The following COL4A2 variants were observed in gnomAD, a reference collection of about 807,000 sequenced individuals.
COL4A2 encodes collagen type IV alpha 2 chain, also known as collagen alpha-2(IV) chain.
In COL4A2, 99 loss-of-function variants were observed where a neutral mutation model predicts 200.2. That is an observed-to-expected ratio of 0.49 (90% CI 0.42 to 0.58). COL4A2 has a LOEUF of 0.58. Ranked by LOEUF, COL4A2 falls within the 20% of genes least tolerant of loss-of-function variation. The pLI is 0.00. For synonymous variants in COL4A2, 897 were observed against 900.6 expected, an observed-to-expected ratio of 1.00 and a Z score of 0.07; for missense variants, 1,950 against 2,314.1, an observed-to-expected ratio of 0.84 and a Z score of 3.23.
chr13:110,355,928 C>T (rs1434743168), intron 3 of COL4A2, among the ~76,000 whole-genome samples: 1 of 151,838 alleles, frequency 6.6e-6, no homozygotes, highest in Non-Finnish European at 1.5e-5. Context: ...CACTGGCTCA[C>T]CTGTGGAATG....
chr13:110,470,926 G>A (rs1882447342), intron 28 of COL4A2, among the ~76,000 whole-genome samples: 3 of 152,072 alleles, frequency 2.0e-5, no homozygotes, highest in Non-Finnish European at 4.4e-5. Context: ...TGCAAAATTG[G>A]GAAGCAGGCT....
At chr13:110,315,372 A>G (rs910405771) in intron 3 of COL4A2, among the ~76,000 whole-genome samples, 18 of 152,142 alleles carry the variant, frequency 1.2e-4, no homozygotes, top group African/African-American at 4.1e-4. Flanking sequence ...GTCTTCACCC[A>G]TCATCCACTT....
At chr13:110,471,362 C>T (rs1429475325) in intron 28 of COL4A2, among the ~76,000 whole-genome samples, 4 of 152,126 alleles carry the variant, frequency 2.6e-5, no homozygotes, top group African/African-American at 9.7e-5. Context: ...GAGGCTGGGG[C>T]AGGCTGGGGG....
rs1446186903 is a variant in COL4A2, at chr13:110,307,305, G to A, written c.-268G>A. The A allele has an allele frequency of 1.4e-5, 5 of 352,718 alleles. No individual in the cohort carries two copies. Among genetic ancestry groups the A allele is most frequent in the African/African-American group, 8.6e-5 (4 of 46,450 alleles). The allele number at this position is 352,718 out of a possible 1,614,324, so 21.8% of individuals were successfully genotyped here. A position where few individuals can be genotyped will look rare whatever the true frequency, so the allele number is the denominator to read the frequency against. The stretch of plus-strand genomic sequence containing the variant: ...CCGGGAGTGTGGCTGCAGTGCGCCG[G>A]GACACCAGGGCTCCGCGCTCCGCAC... On this transcript the variant is annotated 5_prime_UTR_variant, in exon 1 of 48. Transcript: ENST00000360467. This position sits in a 1 kb window ranked among gnomAD's most constrained non-coding sequence, Gnocchi z 5.0.
At chr13:110,498,750 C>T (rs1032614217) in intron 40 of COL4A2, among the ~76,000 whole-genome samples, 3 of 152,194 alleles carry the variant, frequency 2.0e-5, no homozygotes, top group African/African-American at 7.2e-5. Flanking sequence ...ACGTGTAGCT[C>T]AGAACACCCC....
Position 110,491,352 on chromosome 13 carries a change from C to T in COL4A2, c.3454+12C>T, listed in dbSNP as rs1057481810. On this transcript the variant is annotated intron_variant, in intron 37 of 47. Coordinates refer to ENST00000360467, the MANE Select transcript of COL4A2 (RefSeq NM_001846.4). ...TAAAGGACAAACAGGTAAAATCTCC[C>T]GCAGCCACACAGCCTTCCTCAGGCA... 1.2e-5 allele frequency: 18 copies of T among 1,533,624 alleles called. No individual in the cohort carries two copies. Among genetic ancestry groups the T allele is most frequent in the Admixed American group, 5.6e-5 (3 of 53,892 alleles).
chr13:110,421,644 G>A (rs1295575730), intron 4 of COL4A2, among the ~76,000 whole-genome samples: 2 of 152,184 alleles, frequency 1.3e-5, no homozygotes, highest in African/African-American at 4.8e-5. Flanking sequence ...AGATAGAGGT[G>A]GTGGTCACAC....
intron 39 of COL4A2, among the ~76,000 whole-genome samples, chr13:110,494,112 G>A (rs1883376598): frequency 6.6e-6 from 1 of 152,150 alleles, no homozygotes; most frequent in Non-Finnish European, 1.5e-5. Context: ...GCACTTTCTG[G>A]CTTATTTTAT....
chr13:110,321,709 T>C (rs150446412), intron 3 of COL4A2, among the ~76,000 whole-genome samples: 240 of 152,334 alleles, frequency 1.6e-3, no homozygotes, highest in Middle Eastern at 0.01. Context: ...CAACTTACAT[T>C]TCCACGTGGC....
intron 22 of COL4A2, 25 bp from the exon 23 acceptor site, chr13:110,462,089 A>T (rs1035437033): frequency 8.7e-6 from 14 of 1,613,904 alleles, no homozygotes; most frequent in Admixed American, 1.7e-5. Flanking sequence ...AAGAAGGAAG[A>T]TATTTTTTTG....
chr13:110,421,321 C>T (rs1226371430), intron 4 of COL4A2, among the ~76,000 whole-genome samples: 2 of 152,196 alleles, frequency 1.3e-5, no homozygotes, highest in Non-Finnish European at 2.9e-5. Context: ...CACAGCAGCG[C>T]TATCCACAGT....
chr13:110,477,214 A>G (rs1381671666), intron 29 of COL4A2, among the ~76,000 whole-genome samples: 2 of 152,206 alleles, frequency 1.3e-5, no homozygotes, highest in Admixed American at 6.5e-5. Flanking sequence ...AAGAAAAGAT[A>G]TGAGCAAAGA....
At chr13:110,393,709 A>G (rs1349232771) in intron 4 of COL4A2, among the ~76,000 whole-genome samples, 1 of 151,836 alleles carries the variant, frequency 6.6e-6, no homozygotes, top group African/African-American at 2.4e-5. Flanking sequence ...TGAAACCCCA[A>G]CTCTACTAAA....
chr13:110,477,619 A>C (rs1197683969), intron 29 of COL4A2, among the ~76,000 whole-genome samples: 5 of 152,262 alleles, frequency 3.3e-5, no homozygotes. Context: ...CAATGTGTCC[A>C]GATGATAGAG....
At chr13:110,404,286 C>G (rs949832618) in intron 4 of COL4A2, among the ~76,000 whole-genome samples, 1 of 152,166 alleles carries the variant, frequency 6.6e-6, no homozygotes, top group South Asian at 2.1e-4. Flanking sequence ...GTTTAGATGC[C>G]GACTCATATT....
chr13:110,395,065 G>A (rs754616069), intron 4 of COL4A2, among the ~76,000 whole-genome samples: 20 of 152,164 alleles, frequency 1.3e-4, no homozygotes, highest in Non-Finnish European at 2.2e-4. Context: ...CAAAGCCACG[G>A]GTCCTCCACA....
rs66524559 is a variant in COL4A2 at position 110,469,906 on chromosome 13, CTTT to C, written c.2203+603_2203+605del. Reference sequence around the variant, plus strand: ...GCCTTGATTGCAGGGGCATACACGTCTTTTTTTTTTTTTTTTTTTTTTTAATGA... The same window carrying C: ...GCCTTGATTGCAGGGGCATACACGTCTTTTTTTTTTTTTTTTTTTTAATGA... On this transcript the variant is annotated intron_variant, in intron 28 of 47. Coordinates refer to ENST00000360467, the MANE Select transcript of COL4A2 (RefSeq NM_001846.4). Among the ~76,000 whole-genome samples, 13 of 75,614 alleles carry C rather than the reference CTTT, an allele frequency of 1.7e-4. No individual in the cohort carries two copies. In the East Asian group the frequency reaches 5.2e-3, roughly 30 times the overall value. The allele number at this position is 75,614 out of a possible 152,430, so 49.6% of individuals were successfully genotyped here.
intron 41 of COL4A2, 76 bp from the exon 42 acceptor site, chr13:110,503,044 GT>G (rs1883705514): frequency 7.3e-7 from 1 of 1,367,356 alleles, no homozygotes; most frequent in Admixed American, 2.2e-5. Context: ...GCCTGAATGG[GT>G]GACGGTGCAC....
chr13:110,333,235 C>G (rs1876009504), intron 3 of COL4A2, among the ~76,000 whole-genome samples: 1 of 152,324 alleles, frequency 6.6e-6, no homozygotes, highest in Middle Eastern at 3.4e-3. Context: ...TCGAGGTGTA[C>G]CTCTCATCAT....
Sources: allele counts gnomAD v4.1 joint callset (sites outside exome capture counted in the v4.1 genomes callset), GRCh38; gene constraint gnomAD v4.1.1; non-coding constraint Gnocchi (gnomAD v3.1); transcripts MANE v1.5; gene names NCBI Gene and HGNC (gene_info 2026-07-23, HGNC 2026-07-21).